The following UGGT2 variants were observed in gnomAD, a reference collection of about 807,000 sequenced individuals.
The protein encoded by UGGT2 is UDP-glucose:glycoprotein glucosyltransferase 2.
Under a neutral mutation model 192.1 loss-of-function variants are expected in UGGT2, and 180 were observed. The observed-to-expected ratio is 0.94, with a 90% CI of 0.83 to 1.06. The LOEUF is 1.06. Among genes scored for constraint, UGGT2 ranks in the 50% least tolerant of loss-of-function variants. The pLI is 0.00. For synonymous variants in UGGT2, 580 were observed against 591.0 expected (o/e 0.98, Z 0.27); for missense variants, 1,849 against 1,795.7 (o/e 1.03, Z -0.54).
chr13:95,994,481 T>C (rs61972954), intron 7 of UGGT2, among the ~76,000 whole-genome samples: 4,414 of 151,770 alleles, frequency 0.029, 77 homozygotes, highest in Non-Finnish European at 0.034. Context: ...AGTTTTTTCT[T>C]GGCAGCATTT....
At chr13:95,808,516 G>T (rs568976346) in intron 38 of UGGT2, among the ~76,000 whole-genome samples, 1 of 150,734 alleles carries the variant, frequency 6.6e-6, no homozygotes, top group East Asian at 1.9e-4. Context: ...TCATAATTGA[G>T]ATTTTATTGG....
chr13:95,860,213 T>G (rs1290405621), intron 32 of UGGT2, among the ~76,000 whole-genome samples: 1 of 151,766 alleles, frequency 6.6e-6, no homozygotes, highest in Non-Finnish European at 1.5e-5. Context: ...AATAGCCTTT[T>G]GTACTTTGCA....
At position 95,853,649 on chromosome 13, in the gene UGGT2, T is replaced by C. The variant is rs1233778162; in HGVS notation, c.4178A>G (p.Tyr1393Cys). ...LRRKYHISALYVVDLKKFRRI... is the reference protein window; with the variant it reads ...LRRKYHISALCVVDLKKFRRI... ...CCTGAACTTCTTGAGATCCACTACA[T>C]ATAAAGCACTGCAAAAATGAATTAC... The change falls in exon 36 of 39, where the codon TAT (tyrosine) becomes TGT (cysteine). Residue 1393 changes from tyrosine (Y) to cysteine (C), a missense_variant. Physicochemically the swap from Tyr to Cys is radical, Grantham distance 194. Transcript: ENST00000376747. The C allele has an allele frequency of 1.9e-6, 3 of 1,555,698 alleles. No individual in the cohort carries two copies. Among genetic ancestry groups the C allele is most frequent in the Non-Finnish European group, 2.6e-6 (3 of 1,159,968 alleles).
chr13:96,012,131 G>T (rs183363397), intron 5 of UGGT2, among the ~76,000 whole-genome samples: 214 of 152,026 alleles, frequency 1.4e-3, no homozygotes, highest in African/African-American at 4.7e-3. Flanking sequence ...GCAACAGAAT[G>T]GAAAGTCTAA....
Position 96,023,237 on chromosome 13 carries a change from A to G in UGGT2, c.373-85T>C, listed in dbSNP as rs375840455. ...ACCCTCACACATTACTTTGATTAAA[A>G]TAACTCATCAACTACTATTAAGTTA... On this transcript the variant is annotated intron_variant, in intron 3 of 38. Transcript: ENST00000376747. 3.4e-4 allele frequency: 381 copies of G among 1,117,468 alleles called. 5 individuals are homozygous for G. The South Asian group carries it at 8.7e-3, about 25-fold the overall frequency. The allele number at this position is 1,117,468 out of a possible 1,614,324, so 69.2% of individuals were successfully genotyped here.
intron 21 of UGGT2, among the ~76,000 whole-genome samples, chr13:95,902,194 A>C (rs2048122604): frequency 6.6e-6 from 1 of 152,134 alleles, no homozygotes; most frequent in African/African-American, 2.4e-5. Context: ...AATGACCAGA[A>C]ATCTTCCTTC....
At chr13:95,955,640 T>C (rs1390219277) in intron 12 of UGGT2, among the ~76,000 whole-genome samples, 1 of 151,714 alleles carries the variant, frequency 6.6e-6, no homozygotes, top group East Asian at 1.9e-4. Flanking sequence ...GCTCAGAGTT[T>C]AGCCCCACAC....
intron 24 of UGGT2, among the ~76,000 whole-genome samples, chr13:95,892,260 A>T (rs965085645): frequency 2.6e-5 from 4 of 152,172 alleles, no homozygotes; most frequent in African/African-American, 9.6e-5. Context: ...CCATCTGATT[A>T]TACATGTACA....
chr13:95,968,618 A>G (rs2050666153), intron 12 of UGGT2, among the ~76,000 whole-genome samples: 1 of 152,088 alleles, frequency 6.6e-6, no homozygotes, highest in South Asian at 2.1e-4. Flanking sequence ...GCCATATGAG[A>G]TACCTGCTCC....
At position 95,877,798 on chromosome 13, in the gene UGGT2, C is replaced by T; in HGVS notation, c.3287G>A (p.Cys1096Tyr). The T allele has an allele frequency of 6.2e-7, 1 of 1,614,038 alleles. No homozygotes were observed. Among genetic ancestry groups the T allele is most frequent in the Non-Finnish European group, 8.5e-7 (1 of 1,179,980 alleles). ...ELEYLLLEGQ[C>Y]FDKVTEQPPR... ...AGGCTGTTCTGTCACTTTATCAAAG[C>T]ATTGTCCTTCCAGTAGTAAGTATTC... The change falls in exon 28 of 39, where the codon TGC (cysteine) becomes TAC (tyrosine). Residue 1096 changes from cysteine (C) to tyrosine (Y), a missense_variant. By Grantham distance (194) the Cys-to-Tyr change is radical. Transcript: ENST00000376747.
chr13:96,030,720 G>A (rs991237688), intron 2 of UGGT2, among the ~76,000 whole-genome samples: 2 of 152,046 alleles, frequency 1.3e-5, no homozygotes, highest in Admixed American at 1.3e-4. Context: ...TACTCTTAAG[G>A]GATTCCATGC....
intron 22 of UGGT2, among the ~76,000 whole-genome samples, chr13:95,896,081 C>T (rs2047936210): frequency 6.6e-6 from 1 of 152,100 alleles, no homozygotes; most frequent in South Asian, 2.1e-4. Flanking sequence ...CAAAACCCTA[C>T]TGTAGACTGA....
At chr13:96,018,818 C>T (rs1046269025) in intron 4 of UGGT2, among the ~76,000 whole-genome samples, 7 of 147,926 alleles carry the variant, frequency 4.7e-5, no homozygotes, top group Non-Finnish European at 1.0e-4. Flanking sequence ...AATGCAAAAC[C>T]TATTAGAATA....
Position 95,844,638 on chromosome 13 carries a change from C to T in UGGT2, c.4285-7436G>A, listed in dbSNP as rs552817685. On this transcript the variant is annotated intron_variant, in intron 36 of 38. Coordinates refer to ENST00000376747, the MANE Select transcript of UGGT2 (RefSeq NM_020121.4). ...ATTTTCATAGTGATTTTGTATCTTG[C>T]AACTTTGTGAAATGCAGTTATTAGT... Among the ~76,000 whole-genome samples, 14 of 152,310 alleles carry T rather than the reference C, an allele frequency of 9.2e-5. No homozygotes were observed. The South Asian group carries it at 2.7e-3, about 29-fold the overall frequency.
intron 20 of UGGT2, among the ~76,000 whole-genome samples, chr13:95,921,658 A>T (rs760035801): frequency 3.3e-5 from 5 of 152,198 alleles, no homozygotes; most frequent in Non-Finnish European, 7.3e-5. Flanking sequence ...ACATACAAGC[A>T]GCCAACAAAC....
intron 1 of UGGT2, among the ~76,000 whole-genome samples, chr13:96,052,392 T>C (rs968548742): frequency 6.6e-6 from 1 of 151,746 alleles, no homozygotes; most frequent in Non-Finnish European, 1.5e-5. Context: ...GTGATGGGTG[T>C]ACCAAAATCT....
chr13:96,018,013 A>G (rs555994312), intron 4 of UGGT2, among the ~76,000 whole-genome samples: 1 of 152,362 alleles, frequency 6.6e-6, no homozygotes, highest in South Asian at 2.1e-4. Flanking sequence ...ACTTTGTATC[A>G]TACATAAATT....
intron 38 of UGGT2, among the ~76,000 whole-genome samples, chr13:95,811,437 T>C (rs556517054): frequency 2.6e-4 from 40 of 152,316 alleles, no homozygotes; most frequent in Admixed American, 1.5e-3. Context: ...TAGTACTTTA[T>C]AGATCAGTTG....
chr13:96,041,321 G>C (rs1006823693), intron 1 of UGGT2, among the ~76,000 whole-genome samples: 2 of 152,122 alleles, frequency 1.3e-5, no homozygotes, highest in African/African-American at 2.4e-5. Flanking sequence ...CAAGGGTAGA[G>C]GAAGCAGCAG....
Sources: allele counts gnomAD v4.1 joint callset (sites outside exome capture counted in the v4.1 genomes callset), GRCh38; gene constraint gnomAD v4.1.1; transcripts MANE v1.5; gene names NCBI Gene and HGNC (gene_info 2026-07-23, HGNC 2026-07-21).